Variants in NTN1 observed in about 807,000 individuals in gnomAD.
NTN1 encodes netrin 1, also known as netrin-1.
In NTN1, 11 loss-of-function variants were observed where a neutral mutation model predicts 54.2. The observed-to-expected ratio is 0.20, with a 90% confidence interval of 0.13 to 0.34. The LOEUF (loss-of-function observed/expected upper bound fraction) is 0.34, where lower values mean the gene tolerates loss of function less well. Ranked by LOEUF, NTN1 falls within the 10% of genes least tolerant of loss-of-function variation. The probability of loss-of-function intolerance (pLI) is 1.00; values close to 1 mark genes in which losing one functional copy is unlikely to be tolerated. For synonymous variants in NTN1, 371 were observed against 382.0 expected (o/e 0.97, Z 0.33); for missense variants, 740 against 893.1 (o/e 0.83, Z 2.18).
intron 2 of NTN1, among the ~76,000 whole-genome samples, chr17:9,093,106 C>T (rs768523703): frequency 4.0e-5 from 6 of 151,856 alleles, no homozygotes; most frequent in African/African-American, 7.3e-5. Flanking sequence ...TTGGCCAGGC[C>T]GGTCTTGAAC....
At chr17:9,197,246 G>A (rs547222734) in intron 5 of NTN1, among the ~76,000 whole-genome samples, 1 of 152,182 alleles carries the variant, frequency 6.6e-6, no homozygotes, top group African/African-American at 2.4e-5. Flanking sequence ...GTGAGTCAAT[G>A]GCAGAACCGG....
intron 2 of NTN1, among the ~76,000 whole-genome samples, chr17:9,145,916 CA>C (rs60504172): frequency 0.17 from 15,124 of 88,616 alleles, 648 homozygotes; most frequent in East Asian, 0.31. Flanking sequence ...GACTCCATCT[CA>C]AAAAAAAAAA....
upstream of NTN1, among the ~76,000 whole-genome samples, chr17:9,017,382 T>C (rs960713067): frequency 6.6e-6 from 1 of 152,224 alleles, no homozygotes; most frequent in Non-Finnish European, 1.5e-5. Context: ...AATGACTTCC[T>C]TGTAGTTTGA....
the NTN1 span, among the ~76,000 whole-genome samples, chr17:9,008,403 C>T: frequency 1.2e-4 from 18 of 152,144 alleles, no homozygotes; most frequent in African/African-American, 3.6e-4. Context: ...ACTGCAACCT[C>T]GGCCTCCTGG....
upstream of NTN1, among the ~76,000 whole-genome samples, chr17:9,021,051 T>A (rs1022506155): frequency 6.6e-6 from 1 of 152,148 alleles, no homozygotes; most frequent in Non-Finnish European, 1.5e-5. Flanking sequence ...CCGGGGGCCA[T>A]CAGGCTGGGT....
At position 9,160,450 on chromosome 17, in the gene NTN1, A is replaced by C. The variant is rs2092354021; in HGVS notation, c.1019-2363A>C. ...TGAAGATCAGTATTTGACACAAGAA[A>C]ATGTTCATTATTATGAAAAAAAACC... On this transcript the variant is annotated intron_variant, in intron 2 of 6. Coordinates refer to ENST00000173229, the MANE Select transcript of NTN1 (RefSeq NM_004822.3). Among the ~76,000 whole-genome samples the C allele has an allele frequency of 3.3e-5, 5 of 152,216 alleles. No homozygotes were observed. The South Asian group carries it at 1.0e-3, about 32-fold the overall frequency.
chr17:9,133,507 GGC>G (rs2092271826), intron 2 of NTN1, among the ~76,000 whole-genome samples: 1 of 152,190 alleles, frequency 6.6e-6, no homozygotes, highest in African/African-American at 2.4e-5. Context: ...TGGGAGCCAG[GGC>G]GCATGCTTAA....
intron 3 of NTN1, among the ~76,000 whole-genome samples, chr17:9,166,189 C>CCACCACCACCACCACCACCAT (rs1567726609): frequency 4.3e-5 from 5 of 115,548 alleles, no homozygotes; most frequent in African/African-American, 1.4e-4. Flanking sequence ...ACCACCACCA[C>CCACCACCACCACCACCACCAT]CACCACCACC....
chr17:9,177,142 C>T (rs1391302964), intron 3 of NTN1: 2 of 152,466 alleles, frequency 1.3e-5, no homozygotes, highest in Non-Finnish European at 2.9e-5. Context: ...CTTGCAGAAT[C>T]TCAGAAAGAT....
At chr17:9,062,797 C>T (rs2092002815) in intron 2 of NTN1, among the ~76,000 whole-genome samples, 1 of 152,132 alleles carries the variant, frequency 6.6e-6, no homozygotes, top group Non-Finnish European at 1.5e-5. Flanking sequence ...ATGGGGTGCT[C>T]TGACACCCAG....
At chr17:9,060,780 A>G (rs1020591721) in intron 2 of NTN1, among the ~76,000 whole-genome samples, 1 of 152,114 alleles carries the variant, frequency 6.6e-6, no homozygotes, top group African/African-American at 2.4e-5. Context: ...GATCGAGACC[A>G]TCCTGGCCAA....
In NTN1 at chr17:9,239,752, G is replaced by C. The variant is rs1323074317; in HGVS notation, c.1599G>C (p.Gln533His). The C allele has an allele frequency of 6.2e-7, 1 of 1,613,818 alleles. No individual in the cohort carries two copies. Among genetic ancestry groups the C allele is most frequent in the Non-Finnish European group, 8.5e-7 (1 of 1,180,028 alleles). ...QGTSRIRRGD[Q>H]SLWIRSRDIA... ...CGAGCCGCATCCGCCGCGGTGACCAGAGCCTGTGGATCCGCTCGCGGGACA... is the reference window on the plus strand; with the variant it reads ...CGAGCCGCATCCGCCGCGGTGACCACAGCCTGTGGATCCGCTCGCGGGACA... The change falls in exon 7 of 7, where the codon CAG becomes CAC. Residue 533 changes from glutamine (Q) to histidine (H), a missense_variant. By Grantham distance (24) the Gln-to-His change is conservative. Coordinates refer to ENST00000173229, the MANE Select transcript of NTN1 (RefSeq NM_004822.3). This position sits in a 1 kb window ranked among gnomAD's most constrained non-coding sequence, Gnocchi z 5.2.
chr17:9,148,793 C>T (rs975685931), intron 2 of NTN1, among the ~76,000 whole-genome samples: 2 of 151,906 alleles, frequency 1.3e-5, no homozygotes, highest in Admixed American at 1.3e-4. Context: ...GTTGGTCACA[C>T]GGGGGTCTGG....
intron 5 of NTN1, among the ~76,000 whole-genome samples, chr17:9,184,829 G>A (rs964068661): frequency 1.3e-5 from 2 of 152,262 alleles, no homozygotes; most frequent in Non-Finnish European, 2.9e-5. Context: ...TAGGCTACAA[G>A]AAGCTGGTAT....
chr17:9,106,534 G>A (rs12939536), intron 2 of NTN1, among the ~76,000 whole-genome samples: 81,967 of 142,152 alleles, frequency 0.58, 23,754 homozygotes, highest in East Asian at 0.95. Flanking sequence ...CCTTCCTTTC[G>A]ACAGAGTCTC....
At chr17:9,218,426 T>A (rs926248470) in intron 5 of NTN1, among the ~76,000 whole-genome samples, 2 of 152,144 alleles carry the variant, frequency 1.3e-5, no homozygotes, top group African/African-American at 4.8e-5. Flanking sequence ...AGGTACAGAC[T>A]GGATATTCAT....
At chr17:9,126,797 G>T (rs1292758857) in intron 2 of NTN1, among the ~76,000 whole-genome samples, 1 of 152,064 alleles carries the variant, frequency 6.6e-6, no homozygotes, top group African/African-American at 2.4e-5. Context: ...TGGCCTTGAG[G>T]GCACCCCACT....
intron 5 of NTN1, among the ~76,000 whole-genome samples, chr17:9,187,292 G>A (rs543283208): frequency 5.3e-5 from 8 of 152,164 alleles, no homozygotes; most frequent in East Asian, 1.9e-4. Flanking sequence ...TGGACTGCCC[G>A]AGGCAGGGAG....
intron 2 of NTN1, among the ~76,000 whole-genome samples, chr17:9,098,543 C>A (rs145312572): frequency 2.5e-3 from 374 of 152,342 alleles, no homozygotes; most frequent in Admixed American, 3.7e-3. Flanking sequence ...ATGGCACTGG[C>A]GAGAACCTCA....
Sources: allele counts gnomAD v4.1 joint callset (sites outside exome capture counted in the v4.1 genomes callset), GRCh38; gene constraint gnomAD v4.1.1; non-coding constraint Gnocchi (gnomAD v3.1); transcripts MANE v1.5; gene names NCBI Gene and HGNC (gene_info 2026-07-23, HGNC 2026-07-21).